The following CREBBP variants were observed in gnomAD, a reference collection of about 807,000 sequenced individuals.
The protein encoded by CREBBP is CREB binding lysine acetyltransferase, also known as CREB-binding protein.
A neutral mutation model predicts 265.0 loss-of-function variants in CREBBP; 19 were observed. That is an observed-to-expected ratio of 0.07 (90% CI 0.05 to 0.11). CREBBP has a LOEUF of 0.11. Among genes scored for constraint, CREBBP ranks in the 10% least tolerant of loss-of-function variants. CREBBP has a pLI of 1.00. For missense variants in CREBBP, 2,525 were observed against 3,219.0 expected, an observed-to-expected ratio of 0.78 and a Z score of 5.22; for synonymous variants, 1,457 against 1,223.7, an observed-to-expected ratio of 1.19 and a Z score of -3.98.
Position 3,740,185 on chromosome 16 carries a change from G to T in CREBBP, c.4133+214C>A, listed in dbSNP as rs11076785. 0.47 allele frequency among the ~76,000 whole-genome samples: 70,886 copies of T among 152,068 alleles called. 18,734 individuals are homozygous for T. Among genetic ancestry groups the T allele is most frequent in the African/African-American group, 0.72 (29,968 of 41,464 alleles). The stretch of plus-strand genomic sequence containing the variant: ...ATTATAAACAGTATACTATAATATG[G>T]TATGTGGTCTCTCTCTCAAAATAGC... On this transcript the variant is annotated intron_variant, in intron 24 of 30. Coordinates refer to ENST00000262367, the MANE Select transcript of CREBBP (RefSeq NM_004380.3).
chr16:3,762,569 A>G (rs2052747287), intron 16 of CREBBP, among the ~76,000 whole-genome samples: 1 of 151,778 alleles, frequency 6.6e-6, no homozygotes, highest in Admixed American at 6.6e-5. Context: ...AGTGTATGTG[A>G]ACTGCGCCGC....
chr16:3,873,838 T>C (rs946395762), intron 1 of CREBBP, among the ~76,000 whole-genome samples: 1 of 152,104 alleles, frequency 6.6e-6, no homozygotes, highest in Non-Finnish European at 1.5e-5. Context: ...TAGGTGGCAA[T>C]CTGCTTGAAA....
intron 3 of CREBBP, among the ~76,000 whole-genome samples, chr16:3,801,412 G>A (rs955567265): frequency 1.3e-5 from 2 of 152,190 alleles, no homozygotes; most frequent in Non-Finnish European, 1.5e-5. Flanking sequence ...GCTCACACCT[G>A]TAATCCAGCC....
chr16:3,837,619 A>AAAT (rs1189086314), intron 2 of CREBBP, among the ~76,000 whole-genome samples: 3 of 151,010 alleles, frequency 2.0e-5, no homozygotes, highest in Non-Finnish European at 4.4e-5. Flanking sequence ...GTCTCAAAAA[A>AAAT]AATAATAATA....
At chr16:3,821,049 C>T (rs1347374018) in intron 2 of CREBBP, among the ~76,000 whole-genome samples, 1 of 152,220 alleles carries the variant, frequency 6.6e-6, no homozygotes, top group South Asian at 2.1e-4. Flanking sequence ...GTCAAGGTCA[C>T]TGGAGAAACT....
chr16:3,797,502 A>C (rs1018128376), intron 3 of CREBBP, among the ~76,000 whole-genome samples: 7 of 152,204 alleles, frequency 4.6e-5, no homozygotes, highest in African/African-American at 1.7e-4. Flanking sequence ...ATAAAGTTTA[A>C]TTTATAAATT....
intron 16 of CREBBP, among the ~76,000 whole-genome samples, chr16:3,766,928 A>C (rs927907922): frequency 3.9e-5 from 6 of 152,230 alleles, no homozygotes; most frequent in Non-Finnish European, 8.8e-5. Context: ...CCTGAGATTC[A>C]CTGTACTCCA....
chr16:3,832,597 C>A (rs1283920589), intron 2 of CREBBP, among the ~76,000 whole-genome samples: 1 of 152,172 alleles, frequency 6.6e-6, no homozygotes, highest in African/African-American at 2.4e-5. Context: ...CAGCTTGTTA[C>A]TGTGCTGAAT....
chr16:3,759,673 C>T (rs576373796), intron 16 of CREBBP, among the ~76,000 whole-genome samples: 2 of 152,030 alleles, frequency 1.3e-5, no homozygotes, highest in South Asian at 4.2e-4. Context: ...TAAATTCAGG[C>T]CACTGGAGAC....
At chr16:3,742,381 T>C (rs2052237918) in intron 23 of CREBBP, 1 of 152,218 alleles carries the variant, frequency 6.6e-6, no homozygotes, top group African/African-American at 2.4e-5. Context: ...CCGTTATGCA[T>C]ATGTGCAAAT....
intron 3 of CREBBP, among the ~76,000 whole-genome samples, chr16:3,800,227 C>T (rs1015112938): frequency 6.6e-6 from 1 of 152,288 alleles, no homozygotes; most frequent in Non-Finnish European, 1.5e-5. Flanking sequence ...AAGCGATCCT[C>T]TCACCTCAGC....
intron 14 of CREBBP, 75 bp from the exon 15 acceptor site, chr16:3,769,428 A>G (rs1357556338): frequency 6.4e-7 from 1 of 1,553,346 alleles, no homozygotes; most frequent in Non-Finnish European, 8.9e-7. Context: ...TGCTCATGCA[A>G]CCTACAATTT....
chr16:3,870,537 C>T (rs1158664106), intron 1 of CREBBP, among the ~76,000 whole-genome samples: 2 of 152,142 alleles, frequency 1.3e-5, no homozygotes, highest in African/African-American at 4.8e-5. Flanking sequence ...AACAGTTGAA[C>T]TGCAAACACA....
intron 6 of CREBBP, 96 bp downstream of exon 6, chr16:3,782,588 C>T (rs1269429979): frequency 6.6e-7 from 1 of 1,513,002 alleles, no homozygotes; most frequent in Non-Finnish European, 8.9e-7. Flanking sequence ...TAGTAAAAAA[C>T]ACAAAACAAA....
chr16:3,786,667 G>C (rs2141264370), intron 5 of CREBBP, among the ~76,000 whole-genome samples: 1 of 152,314 alleles, frequency 6.6e-6, no homozygotes, highest in Middle Eastern at 3.4e-3. Flanking sequence ...GGCGAAACTT[G>C]TGTATGGGGA....
intron 3 of CREBBP, among the ~76,000 whole-genome samples, chr16:3,803,377 C>T (rs778276918): frequency 6.7e-6 from 1 of 148,552 alleles, no homozygotes; most frequent in Non-Finnish European, 1.5e-5. Flanking sequence ...CGGTGGCGGG[C>T]GCCTGTAATC....
At chr16:3,847,797 C>T (rs1168535295) in intron 2 of CREBBP, among the ~76,000 whole-genome samples, 1 of 152,166 alleles carries the variant, frequency 6.6e-6, no homozygotes. Flanking sequence ...TTGTAAGGAT[C>T]CCACAGACCA....
Position 3,773,829 on chromosome 16 carries a change from T to C in CREBBP, c.2385A>G (p.Pro795=), listed in dbSNP as rs932715280. 6.2e-7 allele frequency: 1 copy of C among 1,612,902 alleles called. No individual in the cohort carries two copies. The highest frequency in any genetic ancestry group is 8.5e-7 in the Non-Finnish European group (1 of 1,180,024). The part of the protein sequence containing the change: ...AQAPAQSQFL[P]QNQFPSSSGA... ...CGCTGGATGACGGGAACTGGTTCTG[T>C]GGCAGAAACTGGCTCTGAGCGGGCG... Residue 795 remains proline, a synonymous_variant, in exon 13 of 31, where the codon CCA becomes CCG. Transcript: ENST00000262367.
rs139216566 is a variant in CREBBP at position 3,753,807 on chromosome 16, A to T, written c.3699-2001T>A. 2.1e-4 allele frequency among the ~76,000 whole-genome samples: 32 copies of T among 152,310 alleles called. No individual in the cohort carries two copies. The East Asian group carries it at 5.2e-3, about 25-fold the overall frequency. On this transcript the variant is annotated intron_variant, in intron 19 of 30. Coordinates refer to ENST00000262367, the MANE Select transcript of CREBBP (RefSeq NM_004380.3). ...CTCCTAATTGAGTGCCCCATTCATG[A>T]TACAATCAAACACGCAGAACTATGG...
Sources: allele counts gnomAD v4.1 joint callset (sites outside exome capture counted in the v4.1 genomes callset), GRCh38; gene constraint gnomAD v4.1.1; transcripts MANE v1.5; gene names NCBI Gene and HGNC (gene_info 2026-07-23, HGNC 2026-07-21).